The following LRRC20 variants were observed in gnomAD, a reference collection of about 807,000 sequenced individuals.
LRRC20 encodes the protein leucine-rich repeat-containing protein 20.
LRRC20 carries 11 observed loss-of-function variants against 14.4 expected under a neutral mutation model. The ratio of observed to expected loss-of-function variants is 0.77; its 90% CI spans 0.48 to 1.27. LRRC20 has a LOEUF of 1.27. LRRC20 is among the 50% of genes most tolerant of loss of function. LRRC20 has a pLI of 0.00. For synonymous variants in LRRC20, 121 were observed against 107.3 expected (o/e 1.13, Z -0.79); for missense variants, 219 against 251.2 (o/e 0.87, Z 0.87).
At chr10:70,351,922 A>AT (rs1843326762) in intron 2 of LRRC20, among the ~76,000 whole-genome samples, 1 of 152,172 alleles carries the variant, frequency 6.6e-6, no homozygotes, top group Non-Finnish European at 1.5e-5. Context: ...AAGGCTCAAT[A>AT]TTTTTTAACA....
intron 4 of LRRC20, among the ~76,000 whole-genome samples, chr10:70,313,581 A>G (rs1476706573): frequency 6.6e-6 from 1 of 152,262 alleles, no homozygotes; most frequent in Non-Finnish European, 1.5e-5. Flanking sequence ...ATTCTTGAGC[A>G]TAAGCCAAGC....
At chr10:70,364,070 G>A (rs1843869109) in intron 2 of LRRC20, among the ~76,000 whole-genome samples, 1 of 152,236 alleles carries the variant, frequency 6.6e-6, no homozygotes, top group Admixed American at 6.5e-5. Context: ...CCAGCCATCT[G>A]GGAGCTGCTG....
intron 1 of LRRC20, 161 bp from the exon 2 acceptor site, chr10:70,376,757 C>T: frequency 1.8e-6 from 1 of 565,862 alleles, no homozygotes; most frequent in Non-Finnish European, 3.2e-6. Context: ...GAGCTCAGGC[C>T]ACATCCAGCT....
chr10:70,374,235 C>A (rs1026400605), intron 2 of LRRC20, among the ~76,000 whole-genome samples: 23 of 152,174 alleles, frequency 1.5e-4, no homozygotes, highest in African/African-American at 5.6e-4. Flanking sequence ...CAGCACCCAT[C>A]CCCTAAGCAG....
Position 70,301,470 on chromosome 10 carries a change from G to C in LRRC20, c.439C>G (p.Arg147Gly), listed in dbSNP as rs75344031. The change falls in exon 5 of 5, where the codon CGC (arginine) becomes GGC (glycine). Residue 147 changes from arginine to glycine, a missense_variant. Coordinates refer to ENST00000446961, the MANE Select transcript of LRRC20 (RefSeq NM_001278212.2). ...GGGTTGAAGCGGAGGTTGATGCTGC[G>C]CAAGGCTGGCATGGCGGCCAGCTTC... is the stretch of plus-strand genomic sequence containing the variant. ...VEKLAAMPAL[R>G]SINLRFNPLN... 6.1e-4 allele frequency: 981 copies of C among 1,614,086 alleles called. 7 individuals carry two copies. The African/African-American group carries it at 0.011, about 19-fold the overall frequency.
Position 70,300,409 on chromosome 10 carries a change from G to A in LRRC20, c.*945C>T, listed in dbSNP as rs893716613. The A allele has an allele frequency of 2.0e-5, 20 of 985,410 alleles. No homozygotes were observed. Among genetic ancestry groups the A allele is most frequent in the East Asian group, 2.3e-4 (2 of 8,830 alleles). The allele number at this position is 985,410 out of a possible 1,614,324, so 61.0% of individuals were successfully genotyped here. A position where few individuals can be genotyped will look rare whatever the true frequency, so the allele number is the denominator to read the frequency against. ...GAACCAGGTCATCAGGGCTTTGGGCGTTGGCCTGGGAGCTGGCTGGCTACA... is the reference window on the plus strand; with the variant it reads ...GAACCAGGTCATCAGGGCTTTGGGCATTGGCCTGGGAGCTGGCTGGCTACA... On this transcript the variant is annotated 3_prime_UTR_variant, in exon 5 of 5. Transcript: ENST00000446961.
At chr10:70,303,766 C>T (rs1002397606) in intron 4 of LRRC20, among the ~76,000 whole-genome samples, 2 of 152,192 alleles carry the variant, frequency 1.3e-5, no homozygotes, top group Non-Finnish European at 2.9e-5. Flanking sequence ...CCCAGCTTTA[C>T]CACCTAAAAA....
intron 1 of LRRC20, among the ~76,000 whole-genome samples, chr10:70,380,792 C>T (rs1844671582): frequency 6.6e-6 from 1 of 152,200 alleles, no homozygotes; most frequent in Admixed American, 6.5e-5. Flanking sequence ...TTAAATCCAG[C>T]AAACGTCTCC....
chr10:70,355,046 C>A (rs113806908), intron 2 of LRRC20, among the ~76,000 whole-genome samples: 1 of 152,186 alleles, frequency 6.6e-6, no homozygotes, highest in South Asian at 2.1e-4. Flanking sequence ...TTCTACTAAA[C>A]AAAGGCTCTT....
intron 3 of LRRC20, 67 bp downstream of exon 3, chr10:70,340,486 G>T: frequency 6.3e-7 from 1 of 1,592,184 alleles, no homozygotes; most frequent in Non-Finnish European, 8.6e-7. Context: ...GCACTCCCCA[G>T]ACAGGGTCAG....
chr10:70,370,075 C>T (rs1351582953), intron 2 of LRRC20, among the ~76,000 whole-genome samples: 1 of 152,154 alleles, frequency 6.6e-6, no homozygotes, highest in Non-Finnish European at 1.5e-5. Flanking sequence ...AAATCTACTA[C>T]CTGATAAGAC....
At position 70,311,222 on chromosome 10, in the gene LRRC20, A is replaced by ATTTTTT. The variant is rs11314061; in HGVS notation, c.401-9720_401-9715dup. Among the ~76,000 whole-genome samples the ATTTTTT allele has an allele frequency of 1.7e-3, 149 of 86,334 alleles. 5 individuals carry two copies. Among genetic ancestry groups the ATTTTTT allele is most frequent in the African/African-American group, 6.2e-3 (136 of 22,106 alleles). The allele number at this position is 86,334 out of a possible 152,430, so 56.6% of individuals were successfully genotyped here. On this transcript the variant is annotated intron_variant, in intron 4 of 4. Transcript: ENST00000446961. ...ACATCCAGGTTGTTTTCAACATTCC[A>ATTTTTT]TTTTTTTTTTTTTTTTTTTTTTTTG...
At chr10:70,340,816 C>T in intron 2 of LRRC20, 114 bp from the exon 3 acceptor site, 1 of 1,107,336 alleles carries the variant, frequency 9.0e-7, no homozygotes, top group East Asian at 2.6e-5. Flanking sequence ...CTTGCCCTCC[C>T]ACCTGTCTCC....
chr10:70,382,223 GA>G (rs1417692521), intron 1 of LRRC20, among the ~76,000 whole-genome samples: 2 of 152,220 alleles, frequency 1.3e-5, no homozygotes, highest in Non-Finnish European at 2.9e-5. Flanking sequence ...CTCCCGCGAG[GA>G]ATGGAGGCCC....
At chr10:70,325,368 G>A (rs116099556) in intron 3 of LRRC20, among the ~76,000 whole-genome samples, 2,540 of 152,184 alleles carry the variant, frequency 0.017, 96 homozygotes, top group African/African-American at 0.058. Flanking sequence ...CTGCTCTCCC[G>A]CCTGGCCTCC....
chr10:70,327,545 C>T (rs1249371213), intron 3 of LRRC20, among the ~76,000 whole-genome samples: 1 of 151,150 alleles, frequency 6.6e-6, no homozygotes, highest in Non-Finnish European at 1.5e-5. Context: ...CGCACCACTG[C>T]ACTCCAGCCT....
chr10:70,329,877 A>G (rs1842471443), intron 3 of LRRC20, among the ~76,000 whole-genome samples: 1 of 152,174 alleles, frequency 6.6e-6, no homozygotes, highest in South Asian at 2.1e-4. Context: ...GCCTTTTCAT[A>G]TAATAGATTA....
intron 4 of LRRC20, 140 bp from the exon 5 acceptor site, chr10:70,301,648 G>T: frequency 9.8e-7 from 1 of 1,020,444 alleles, no homozygotes; most frequent in Non-Finnish European, 1.4e-6. Flanking sequence ...TCAGCTCCTG[G>T]TGCCCAGCCC....
chr10:70,355,056 T>A (rs1384252214), intron 2 of LRRC20, among the ~76,000 whole-genome samples: 1 of 152,192 alleles, frequency 6.6e-6, no homozygotes, highest in Non-Finnish European at 1.5e-5. Flanking sequence ...CAAAGGCTCT[T>A]CAGACAGCCC....
Sources: gnomAD v4.1 joint callset for allele counts (sites outside exome capture counted in the v4.1 genomes callset) on GRCh38, gnomAD v4.1.1 for gene constraint, MANE v1.5 for transcripts, NCBI Gene and HGNC (gene_info 2026-07-23, HGNC 2026-07-21) for gene names.